MYO3B: variants seen among roughly 807,000 people sequenced by gnomAD.
The protein encoded by MYO3B is myosin IIIB.
In MYO3B, 156 loss-of-function variants were observed where a neutral mutation model predicts 174.6. The ratio of observed to expected loss-of-function variants is 0.89; its 90% CI spans 0.78 to 1.02. The LOEUF (loss-of-function observed/expected upper bound fraction) is 1.02. Among genes scored for constraint, MYO3B ranks in the 50% least tolerant of loss-of-function variants. The pLI is 0.00. For synonymous variants in MYO3B, 563 were observed against 569.1 expected, an observed-to-expected ratio of 0.99 and a Z score of 0.15; for missense variants, 1,632 against 1,639.4, an observed-to-expected ratio of 1.00 and a Z score of 0.08.
At chr2:170,531,461 C>G (rs1689348922) in intron 30 of MYO3B, among the ~76,000 whole-genome samples, 1 of 152,138 alleles carries the variant, frequency 6.6e-6, no homozygotes, top group Admixed American at 6.5e-5. Flanking sequence ...TCAGTTTCCT[C>G]ATCTTTAAGT....
intron 32 of MYO3B, among the ~76,000 whole-genome samples, chr2:170,572,084 A>G (rs1289846811): frequency 6.6e-6 from 1 of 152,076 alleles, no homozygotes; most frequent in East Asian, 1.9e-4. Context: ...AGGCTGAGGC[A>G]GGTAGATTGC....
intron 29 of MYO3B, among the ~76,000 whole-genome samples, chr2:170,518,003 G>T (rs912639630): frequency 2.6e-5 from 4 of 151,930 alleles, no homozygotes; most frequent in Non-Finnish European, 5.9e-5. Flanking sequence ...GTGTGTGTGT[G>T]TGTGTGTGTG....
chr2:170,355,961 T>G (rs2105621177), intron 8 of MYO3B, among the ~76,000 whole-genome samples: 1 of 151,898 alleles, frequency 6.6e-6, no homozygotes, highest in Admixed American at 6.6e-5. Context: ...TTATTTATTT[T>G]TATTTTATTT....
At chr2:170,509,852 G>GT in intron 28 of MYO3B, among the ~76,000 whole-genome samples, 1 of 152,340 alleles carries the variant, frequency 6.6e-6, no homozygotes, top group South Asian at 2.1e-4. Context: ...TGTCTGAAGA[G>GT]TTGGAAGATC....
At chr2:170,617,652 G>A (rs142197261) in intron 32 of MYO3B, among the ~76,000 whole-genome samples, 85 of 152,284 alleles carry the variant, frequency 5.6e-4, no homozygotes, top group Admixed American at 8.5e-4. Flanking sequence ...GGCTTTGGAG[G>A]CGCAACCCCT....
In MYO3B at chr2:170,611,744, C is replaced by G. The variant is rs188305049; in HGVS notation, c.3734-39884C>G. Among the ~76,000 whole-genome samples the G allele has an allele frequency of 6.0e-3, 909 of 152,290 alleles. 9 individuals are homozygous for G. Among genetic ancestry groups the G allele is most frequent in the African/African-American group, 0.02 (834 of 41,568 alleles). ...ACCATGGGTATAGCACAATTAATTT[C>G]TATACACCATCTCTTTTTCATAGGG... On this transcript the variant is annotated intron_variant, in intron 32 of 34. Coordinates refer to ENST00000408978, the MANE Select transcript of MYO3B (RefSeq NM_138995.5).
At chr2:170,438,036 T>G (rs2105899276) in intron 22 of MYO3B, among the ~76,000 whole-genome samples, 1 of 152,304 alleles carries the variant, frequency 6.6e-6, no homozygotes, top group African/African-American at 2.4e-5. Flanking sequence ...TAGAATTTTT[T>G]CATATTATGT....
intron 7 of MYO3B, among the ~76,000 whole-genome samples, chr2:170,274,732 G>A (rs1316673967): frequency 1.3e-5 from 2 of 151,884 alleles, no homozygotes; most frequent in African/African-American, 2.4e-5. Flanking sequence ...ACTCTACATT[G>A]AAAAAGGTGA....
intron 7 of MYO3B, among the ~76,000 whole-genome samples, chr2:170,314,065 C>T (rs909928268): frequency 6.6e-6 from 1 of 152,182 alleles, no homozygotes; most frequent in Non-Finnish European, 1.5e-5. Flanking sequence ...CCTACAGCCC[C>T]CCTGCCAATG....
At chr2:170,424,946 T>C (rs779421665) in intron 22 of MYO3B, among the ~76,000 whole-genome samples, 28 of 152,234 alleles carry the variant, frequency 1.8e-4, no homozygotes, top group Non-Finnish European at 3.2e-4. Flanking sequence ...ATGTTCCCAT[T>C]TGAGATGAAA....
chr2:170,321,949 A>G (rs2093830086), intron 7 of MYO3B, among the ~76,000 whole-genome samples: 2 of 151,984 alleles, frequency 1.3e-5, no homozygotes, highest in African/African-American at 4.8e-5. Flanking sequence ...CCCCGTATCT[A>G]CTAAAAATAC....
intron 32 of MYO3B, among the ~76,000 whole-genome samples, chr2:170,647,787 G>A (rs571539400): frequency 2.0e-5 from 3 of 152,192 alleles, no homozygotes; most frequent in Admixed American, 6.5e-5. Context: ...CAGCAAGTTC[G>A]TCAAGAACAA....
intron 7 of MYO3B, among the ~76,000 whole-genome samples, chr2:170,297,354 A>G (rs1320477996): frequency 6.6e-6 from 1 of 151,950 alleles, no homozygotes; most frequent in African/African-American, 2.4e-5. Context: ...ATGTGTGGGT[A>G]TTTGTATACC....
chr2:170,273,422 G>A (rs1211260704), intron 7 of MYO3B, among the ~76,000 whole-genome samples: 1 of 152,044 alleles, frequency 6.6e-6, no homozygotes, highest in African/African-American at 2.4e-5. Flanking sequence ...CTGCCCAAAG[G>A]ATGAAGTTCA....
intron 25 of MYO3B, among the ~76,000 whole-genome samples, chr2:170,496,606 T>C (rs989552952): frequency 1.3e-5 from 2 of 148,340 alleles, no homozygotes; most frequent in Non-Finnish European, 3.0e-5. Flanking sequence ...ATAATATATA[T>C]GTATAATATA....
intron 32 of MYO3B, among the ~76,000 whole-genome samples, chr2:170,619,316 A>G (rs1172623690): frequency 6.6e-6 from 1 of 152,152 alleles, no homozygotes; most frequent in Non-Finnish European, 1.5e-5. Context: ...GAATCACATC[A>G]CGTGCAGTTG....
intron 32 of MYO3B, among the ~76,000 whole-genome samples, chr2:170,584,052 A>G (rs910565007): frequency 5.0e-4 from 76 of 152,376 alleles, no homozygotes; most frequent in African/African-American, 1.7e-3. Context: ...ACACAATGCC[A>G]AACTAGTGGA....
At chr2:170,515,732 TAC>T (rs1210428721) in intron 29 of MYO3B, among the ~76,000 whole-genome samples, 1 of 152,066 alleles carries the variant, frequency 6.6e-6, no homozygotes, top group Non-Finnish European at 1.5e-5. Flanking sequence ...TGGTAGAATT[TAC>T]AGTTACAGTT....
intron 7 of MYO3B, among the ~76,000 whole-genome samples, chr2:170,318,448 A>T (rs1433020801): frequency 2.6e-5 from 4 of 152,212 alleles, no homozygotes; most frequent in African/African-American, 9.6e-5. Context: ...AATTGGTGGC[A>T]CATGGTGAAG....
Sources: allele counts gnomAD v4.1 joint callset (sites outside exome capture counted in the v4.1 genomes callset), GRCh38; gene constraint gnomAD v4.1.1; transcripts MANE v1.5; gene names NCBI Gene and HGNC (gene_info 2026-07-23, HGNC 2026-07-21).